The following KPNA5 variants were observed in gnomAD, a reference collection of about 807,000 sequenced individuals.
The protein encoded by KPNA5 is importin subunit alpha-6.
A neutral mutation model predicts 71.3 loss-of-function variants in KPNA5; 46 were observed. The ratio of observed to expected loss-of-function variants is 0.65; its 90% CI spans 0.51 to 0.83. The LOEUF is 0.83. Among genes scored for constraint, KPNA5 ranks in the 40% least tolerant of loss-of-function variants. The pLI, the probability that KPNA5 is intolerant of heterozygous loss-of-function variation, is 0.00. For synonymous variants in KPNA5, 207 were observed against 201.4 expected, an observed-to-expected ratio of 1.03 and a Z score of -0.24; for missense variants, 547 against 628.3, an observed-to-expected ratio of 0.87 and a Z score of 1.38.
rs1425546290 is a variant in KPNA5 at position 116,737,193 on chromosome 6, T to G, written c.*4870T>G. 6.6e-6 allele frequency: 1 copy of G among 152,034 alleles called. No individual in the cohort carries two copies. Among genetic ancestry groups the G allele is most frequent in the Non-Finnish European group, 1.5e-5 (1 of 67,936 alleles). The allele number at this position is 152,034 out of a possible 1,614,324, so 9.4% of individuals were successfully genotyped here. On this transcript the variant is annotated 3_prime_UTR_variant, in exon 14 of 14. Transcript: ENST00000368564. Reference sequence around the variant, plus strand: ...TGTAAGGCAGGCACAGAACAACGTTTATTTTACTGCTGAGTCAGTACCATT... The same window carrying G: ...TGTAAGGCAGGCACAGAACAACGTTGATTTTACTGCTGAGTCAGTACCATT...
chr6:116,685,443 C>T (rs1217176276), intron 1 of KPNA5, among the ~76,000 whole-genome samples: 2 of 152,184 alleles, frequency 1.3e-5, no homozygotes, highest in Non-Finnish European at 2.9e-5. Flanking sequence ...TCCTACCCTC[C>T]ACCCTCCGGT....
Position 116,726,495 on chromosome 6 carries a change from G to T in KPNA5, c.1126G>T (p.Ala376Ser), listed in dbSNP as rs775883659. Reference sequence around the variant, plus strand: ...GATTATATATTTTTCCCCCTCTCAGGCTGTTATAGATGCAAATATTTTTCC... The same window carrying T: ...GATTATATATTTTTCCCCCTCTCAGTCTGTTATAGATGCAAATATTTTTCC... ...ITAGNRAQIQ[A>S]VIDANIFPVL... The change falls in exon 12 of 14, where the codon GCT becomes TCT. Residue 376 changes from alanine to serine, a missense_variant and splice_region_variant. By Grantham distance (99) the Ala-to-Ser change is moderately conservative (BLOSUM62 1). Coordinates refer to ENST00000368564, the MANE Select transcript of KPNA5 (RefSeq NM_001366306.2). 2.5e-6 allele frequency: 4 copies of T among 1,609,240 alleles called. No individual in the cohort carries two copies. The highest frequency in any genetic ancestry group is 3.4e-6 in the Non-Finnish European group (4 of 1,176,954).
intron 5 of KPNA5, among the ~76,000 whole-genome samples, chr6:116,701,219 T>C (rs1319501024): frequency 6.6e-6 from 1 of 152,178 alleles, no homozygotes. Context: ...GAAAAGTTAT[T>C]TATGTGAAAT....
rs1463145311 is a variant in KPNA5, at chr6:116,724,372, A to G, written c.996A>G (p.Thr332=). The part of the protein sequence containing the change: ...GNIVTGDDIQ[T]QVILNCSALP... ...TTGTGACTGGTGATGATATTCAAAC[A>G]CAGGTGAGTTCAAACTTGAGTATCA... The change falls in exon 10 of 14, where the codon ACA becomes ACG. Residue 332 remains threonine (T), a synonymous_variant. Coordinates refer to ENST00000368564, the MANE Select transcript of KPNA5 (RefSeq NM_001366306.2). The G allele has an allele frequency of 6.2e-7, 1 of 1,605,572 alleles. No individual in the cohort carries two copies. Among genetic ancestry groups the G allele is most frequent in the South Asian group, 1.1e-5 (1 of 90,800 alleles).
chr6:116,722,351 T>A, intron 9 of KPNA5, 62 bp downstream of exon 9: 1 of 1,286,194 alleles, frequency 7.8e-7, no homozygotes, highest in Non-Finnish European at 1.1e-6. Flanking sequence ...GCAATTCAAG[T>A]AATAGCTTTG....
chr6:116,712,029 G>A (rs936631070), intron 7 of KPNA5, among the ~76,000 whole-genome samples: 14 of 151,968 alleles, frequency 9.2e-5, no homozygotes, highest in East Asian at 1.9e-4. Flanking sequence ...TTGAACCTCC[G>A]CCCCCAGGTT....
chr6:116,721,437 G>A (rs2114483046), intron 8 of KPNA5, among the ~76,000 whole-genome samples: 2 of 152,128 alleles, frequency 1.3e-5, no homozygotes, highest in Non-Finnish European at 2.9e-5. Context: ...ACAGGCATGA[G>A]CCACCGTGCC....
At chr6:116,726,689 T>G in intron 12 of KPNA5, 67 bp downstream of exon 12, 1 of 1,297,694 alleles carries the variant, frequency 7.7e-7, no homozygotes, top group Non-Finnish European at 1.1e-6. Flanking sequence ...AAAACATATT[T>G]TAATTTACTG....
intron 13 of KPNA5, among the ~76,000 whole-genome samples, chr6:116,730,599 A>G (rs116554140): frequency 0.018 from 2,699 of 152,168 alleles, 67 homozygotes; most frequent in South Asian, 0.06. Context: ...ACTTCTTTTT[A>G]AGCTTTTGAT....
intron 7 of KPNA5, among the ~76,000 whole-genome samples, chr6:116,712,926 G>A (rs1057083011): frequency 1.4e-4 from 21 of 151,394 alleles, no homozygotes; most frequent in Admixed American, 6.6e-5. Flanking sequence ...TGAATTACTC[G>A]CAGTTTACCT....
At chr6:116,716,551 T>C (rs918755007) in intron 8 of KPNA5, among the ~76,000 whole-genome samples, 3 of 152,232 alleles carry the variant, frequency 2.0e-5, no homozygotes, top group Non-Finnish European at 4.4e-5. Context: ...TGCAACCACA[T>C]GTATCAAGGA....
At chr6:116,716,383 T>C in intron 8 of KPNA5, 65 bp downstream of exon 8, 1 of 1,107,684 alleles carries the variant, frequency 9.0e-7, no homozygotes, top group East Asian at 2.5e-5. Context: ...TATAATAGCT[T>C]TTTGATGTTT....
chr6:116,728,608 G>A (rs74325588), intron 12 of KPNA5, among the ~76,000 whole-genome samples: 2,571 of 152,108 alleles, frequency 0.017, 78 homozygotes, highest in African/African-American at 0.058. Flanking sequence ...TTACAGTACA[G>A]TATAGGGCAA....
chr6:116,712,425 A>G (rs1166294840), intron 7 of KPNA5, among the ~76,000 whole-genome samples: 1 of 152,202 alleles, frequency 6.6e-6, no homozygotes, highest in Non-Finnish European at 1.5e-5. Flanking sequence ...TATTATTTGC[A>G]TGGAAAATCT....
chr6:116,687,633 C>G (rs1216440662), intron 1 of KPNA5, among the ~76,000 whole-genome samples: 1 of 152,204 alleles, frequency 6.6e-6, no homozygotes, highest in East Asian at 1.9e-4. Context: ...GATCCTCCAT[C>G]CGTATTCTCT....
intron 8 of KPNA5, 139 bp from the exon 9 acceptor site, chr6:116,721,984 GATT>G (rs1374144560): frequency 1.8e-6 from 1 of 540,874 alleles, no homozygotes; most frequent in African/African-American, 1.9e-5. Context: ...TCATACATCT[GATT>G]ATAATTTTAA....
chr6:116,697,934 G>A (rs1479957957), intron 4 of KPNA5, among the ~76,000 whole-genome samples: 1 of 151,904 alleles, frequency 6.6e-6, no homozygotes, highest in Non-Finnish European at 1.5e-5. Flanking sequence ...AAGGTTGTAA[G>A]GTCTGTGAAT....
chr6:116,711,129 G>C (rs1562444495), intron 7 of KPNA5, among the ~76,000 whole-genome samples: 1 of 151,196 alleles, frequency 6.6e-6, no homozygotes, highest in Non-Finnish European at 1.5e-5. Context: ...CCTGACCTCA[G>C]GTGATCCGCT....
Position 116,738,960 on chromosome 6 carries a change from C to G in KPNA5, c.*6637C>G, listed in dbSNP as rs1011696022. On this transcript the variant is annotated 3_prime_UTR_variant, in exon 14 of 14. Transcript: ENST00000368564. The stretch of plus-strand genomic sequence containing the variant: ...CTGGCACAAGACAGGGATGCCCTCT[C>G]TCACCACTCCTATTCAACATAGTGT... The G allele has an allele frequency of 8.6e-5, 13 of 151,400 alleles. 1 individual carries two copies. The East Asian group carries it at 1.6e-3, about 18-fold the overall frequency. The allele number at this position is 151,400 out of a possible 1,614,324, so 9.4% of individuals were successfully genotyped here.
Sources: allele counts gnomAD v4.1 joint callset (sites outside exome capture counted in the v4.1 genomes callset), GRCh38; gene constraint gnomAD v4.1.1; transcripts MANE v1.5; gene names NCBI Gene and HGNC (gene_info 2026-07-23, HGNC 2026-07-21).